Variants in FSTL4 observed in about 807,000 individuals in gnomAD.
FSTL4 encodes follistatin like 4.
A neutral mutation model predicts 78.2 loss-of-function variants in FSTL4; 28 were observed. The observed-to-expected ratio is 0.36, with a 90% CI of 0.27 to 0.49. The LOEUF is 0.49. Among genes scored for constraint, FSTL4 ranks in the 20% least tolerant of loss-of-function variants. FSTL4 has a pLI of 0.98. For missense variants in FSTL4, 922 were observed against 1,084.9 expected (o/e 0.85, Z 2.11); for synonymous variants, 422 against 440.5 (o/e 0.96, Z 0.53).
chr5:133,306,308 G>A (rs530332771), intron 6 of FSTL4, among the ~76,000 whole-genome samples: 1 of 152,328 alleles, frequency 6.6e-6, no homozygotes, highest in Non-Finnish European at 1.5e-5. Flanking sequence ...CGGGCTAAGC[G>A]AGAGCCCTCC....
chr5:133,552,915 A>T (rs992897378), intron 3 of FSTL4, among the ~76,000 whole-genome samples: 1 of 152,204 alleles, frequency 6.6e-6, no homozygotes, highest in African/African-American at 2.4e-5. Context: ...TAGGAGAGAT[A>T]TATGTGTGCA....
chr5:133,831,666 G>T, the FSTL4 span, among the ~76,000 whole-genome samples: 7 of 152,346 alleles, frequency 4.6e-5, no homozygotes, highest in East Asian at 1.3e-3. Context: ...AGAACCATAA[G>T]GAAGTAGGAA....
intron 3 of FSTL4, among the ~76,000 whole-genome samples, chr5:133,460,629 C>A (rs997145595): frequency 6.6e-6 from 1 of 152,150 alleles, no homozygotes; most frequent in African/African-American, 2.4e-5. Flanking sequence ...TCCAGTGGGG[C>A]CCAACGCTAC....
At chr5:133,787,320 A>T in the FSTL4 span, among the ~76,000 whole-genome samples, 4 of 152,146 alleles carry the variant, frequency 2.6e-5, no homozygotes, top group African/African-American at 9.7e-5. Flanking sequence ...CTGTGCTAGG[A>T]TTGGGACTAC....
the FSTL4 span, among the ~76,000 whole-genome samples, chr5:133,753,296 T>C: frequency 3.6e-4 from 55 of 152,154 alleles, 1 homozygote; most frequent in African/African-American, 8.7e-4. Flanking sequence ...AAAATGAAAA[T>C]TGGACCCTGC....
chr5:133,555,793 G>A (rs1340289211), intron 3 of FSTL4, among the ~76,000 whole-genome samples: 3 of 152,138 alleles, frequency 2.0e-5, no homozygotes, highest in Non-Finnish European at 4.4e-5. Flanking sequence ...CCCATTTTGT[G>A]TCCAAACATG....
Position 133,227,927 on chromosome 5 carries a change from A to AT in FSTL4, c.1016-2109dup, listed in dbSNP as rs150161122. On this transcript the variant is annotated intron_variant, in intron 8 of 15. Transcript: ENST00000265342. ...TGTGAAAGTCTCAGTGAAATGGATCATTTAAAAGGAAACTTTAGGCCAGGT... is the reference window on the plus strand; with the variant it reads ...TGTGAAAGTCTCAGTGAAATGGATCATTTTAAAAGGAAACTTTAGGCCAGGT... Among the ~76,000 whole-genome samples, 64 of 152,340 alleles carry AT rather than the reference A, an allele frequency of 4.2e-4. 1 individual carries two copies. In the East Asian group the frequency reaches 0.011, roughly 26 times the overall value.
intron 7 of FSTL4, among the ~76,000 whole-genome samples, chr5:133,242,178 T>C (rs138735358): frequency 3.9e-4 from 60 of 152,266 alleles, no homozygotes; most frequent in Non-Finnish European, 4.9e-4. Flanking sequence ...AGACAAAACC[T>C]GAAACAGCTG....
chr5:133,257,421 G>A (rs1245249532), intron 6 of FSTL4, among the ~76,000 whole-genome samples: 2 of 152,174 alleles, frequency 1.3e-5, no homozygotes, highest in African/African-American at 4.8e-5. Context: ...CTCCTTGTTT[G>A]CAGGAGGGGC....
chr5:133,737,820 G>C, the FSTL4 span, among the ~76,000 whole-genome samples: 1 of 151,948 alleles, frequency 6.6e-6, no homozygotes, highest in Non-Finnish European at 1.5e-5. Flanking sequence ...GGCCAGGCTG[G>C]TCTCGAACTC....
chr5:133,502,374 G>A (rs537510800), intron 3 of FSTL4, among the ~76,000 whole-genome samples: 6 of 152,206 alleles, frequency 3.9e-5, no homozygotes, highest in South Asian at 2.1e-4. Flanking sequence ...AGAGCCACAC[G>A]GGAAGGGAAG....
the FSTL4 span, among the ~76,000 whole-genome samples, chr5:133,696,223 C>T: frequency 1.3e-5 from 2 of 152,242 alleles, no homozygotes; most frequent in African/African-American, 4.8e-5. Context: ...CTCTCTCCTC[C>T]TTCTTTGCTC....
chr5:133,397,835 T>C (rs1356171044), intron 4 of FSTL4, among the ~76,000 whole-genome samples: 1 of 152,266 alleles, frequency 6.6e-6, no homozygotes, highest in Non-Finnish European at 1.5e-5. Flanking sequence ...TAAAGTCTGA[T>C]AGAAATAGAG....
chr5:133,226,303 A>G (rs1049838514), intron 8 of FSTL4, among the ~76,000 whole-genome samples: 21 of 152,092 alleles, frequency 1.4e-4, no homozygotes, highest in Admixed American at 7.9e-4. Context: ...GGCCATTCTC[A>G]TTTCTCCACT....
chr5:133,485,708 C>T (rs1316206530), intron 3 of FSTL4, among the ~76,000 whole-genome samples: 1 of 152,196 alleles, frequency 6.6e-6, no homozygotes, highest in African/African-American at 2.4e-5. Flanking sequence ...CGTTCGGGTC[C>T]TCGGCAAGCA....
At chr5:133,391,897 T>C (rs1259813408) in intron 4 of FSTL4, among the ~76,000 whole-genome samples, 2 of 152,196 alleles carry the variant, frequency 1.3e-5, no homozygotes, top group African/African-American at 4.8e-5. Flanking sequence ...ATAGACTTCA[T>C]CTCTTGTTTA....
intron 4 of FSTL4, among the ~76,000 whole-genome samples, chr5:133,395,350 TA>T (rs1445840159): frequency 6.6e-6 from 1 of 152,020 alleles, no homozygotes; most frequent in Non-Finnish European, 1.5e-5. Context: ...TTAAGAGCTG[TA>T]ACACTCACCG....
chr5:133,438,103 G>A (rs1306711890), intron 3 of FSTL4, among the ~76,000 whole-genome samples: 1 of 152,142 alleles, frequency 6.6e-6, no homozygotes, highest in Non-Finnish European at 1.5e-5. Flanking sequence ...CAGTTAGGTG[G>A]AGCATGACTT....
chr5:133,469,317 C>G (rs1757772675), intron 3 of FSTL4, among the ~76,000 whole-genome samples: 1 of 152,194 alleles, frequency 6.6e-6, no homozygotes, highest in Admixed American at 6.5e-5. Context: ...GCAATGGAGC[C>G]AGGAACTCTG....
Sources: allele counts gnomAD v4.1 joint callset (sites outside exome capture counted in the v4.1 genomes callset), GRCh38; gene constraint gnomAD v4.1.1; transcripts MANE v1.5; gene names NCBI Gene and HGNC (gene_info 2026-07-23, HGNC 2026-07-21).